Variants in ZDHHC14 observed in about 807,000 individuals in gnomAD.
ZDHHC14 encodes zDHHC palmitoyltransferase 14.
Under a neutral mutation model 47.7 loss-of-function variants are expected in ZDHHC14, and 16 were observed. That is an observed-to-expected ratio of 0.34 (90% CI 0.23 to 0.51). The LOEUF is 0.51. ZDHHC14 is among the 20% of genes least tolerant of loss of function. The probability of loss-of-function intolerance (pLI) is 0.97; values close to 1 mark genes in which losing one functional copy is unlikely to be tolerated. For missense variants in ZDHHC14, 515 were observed against 662.5 expected (o/e 0.78, Z 2.44); for synonymous variants, 293 against 278.9 (o/e 1.05, Z -0.50).
At position 157,676,953 on chromosome 6, in the gene ZDHHC14, C is replaced by T. The variant is rs1451143104; in HGVS notation, c.*3831C>T. The T allele has an allele frequency of 6.6e-6, 1 of 152,184 alleles. No homozygotes were observed. Among genetic ancestry groups the T allele is most frequent in the Non-Finnish European group, 1.5e-5 (1 of 68,030 alleles). The allele number at this position is 152,184 out of a possible 1,614,324, so 9.4% of individuals were successfully genotyped here. On this transcript the variant is annotated 3_prime_UTR_variant, in exon 9 of 9. Coordinates refer to ENST00000359775, the MANE Select transcript of ZDHHC14 (RefSeq NM_024630.3). ...GAAGGAGCTGCCCTTCATCCATCCA[C>T]AAGAATACATTGAGTTCATTTAGTT...
At chr6:157,631,449 G>C (rs1042345691) in intron 4 of ZDHHC14, 2 of 152,002 alleles carry the variant, frequency 1.3e-5, no homozygotes, top group Non-Finnish European at 2.9e-5. Context: ...CCCACGACAC[G>C]ACCCCACCAC....
chr6:157,527,213 CG>C (rs531593673), intron 1 of ZDHHC14, among the ~76,000 whole-genome samples: 1 of 152,070 alleles, frequency 6.6e-6, no homozygotes, highest in Non-Finnish European at 1.5e-5. Flanking sequence ...TTACACCAGC[CG>C]GGGGGCCATG....
intron 3 of ZDHHC14, among the ~76,000 whole-genome samples, chr6:157,608,002 A>C (rs1204794786): frequency 6.6e-6 from 1 of 152,264 alleles, no homozygotes; most frequent in Non-Finnish European, 1.5e-5. Flanking sequence ...ATATGATAAA[A>C]GTAACCAGTG....
At chr6:157,482,803 C>T (rs919751894) in intron 1 of ZDHHC14, among the ~76,000 whole-genome samples, 1 of 150,738 alleles carries the variant, frequency 6.6e-6, no homozygotes, top group African/African-American at 2.4e-5. Flanking sequence ...AGTACAATGG[C>T]ATGAACTCAG....
chr6:157,576,833 G>A (rs1446126031), intron 2 of ZDHHC14, among the ~76,000 whole-genome samples: 2 of 152,216 alleles, frequency 1.3e-5, no homozygotes, highest in African/African-American at 4.8e-5. Context: ...ACCAGGCTAT[G>A]CCACTGTTCC....
chr6:157,497,305 T>C (rs769450858), intron 1 of ZDHHC14, among the ~76,000 whole-genome samples: 21 of 152,178 alleles, frequency 1.4e-4, no homozygotes, highest in Non-Finnish European at 2.4e-4. Flanking sequence ...AGGGGCTTTC[T>C]GGAAATTCCA....
chr6:157,620,080 G>C (rs913610314), intron 3 of ZDHHC14, among the ~76,000 whole-genome samples: 3 of 152,200 alleles, frequency 2.0e-5, no homozygotes, highest in Non-Finnish European at 4.4e-5. Flanking sequence ...AGAACCCTCT[G>C]TCTTAGTCCA....
chr6:157,402,357 T>G (rs552295296), intron 1 of ZDHHC14, among the ~76,000 whole-genome samples: 1 of 151,788 alleles, frequency 6.6e-6, no homozygotes, highest in Non-Finnish European at 1.5e-5. Flanking sequence ...CCTGCTGAGG[T>G]CTCAGCTGCA....
intron 1 of ZDHHC14, among the ~76,000 whole-genome samples, chr6:157,451,700 A>C (rs1218826953): frequency 6.6e-6 from 1 of 152,112 alleles, no homozygotes; most frequent in Non-Finnish European, 1.5e-5. Context: ...AGCTGGGATT[A>C]CAGGTGCCCA....
intron 7 of ZDHHC14, among the ~76,000 whole-genome samples, chr6:157,649,150 G>T (rs924232213): frequency 2.0e-4 from 31 of 152,192 alleles, no homozygotes; most frequent in African/African-American, 7.5e-4. Context: ...ACCCTGAGAA[G>T]TGTTTGAATC....
chr6:157,519,744 GT>G (rs1483400596), intron 1 of ZDHHC14, among the ~76,000 whole-genome samples: 3 of 152,080 alleles, frequency 2.0e-5, no homozygotes, highest in African/African-American at 4.8e-5. Context: ...AGGATTCATC[GT>G]TTTTTTGTTG....
rs532020621 is a variant in ZDHHC14 at position 157,504,404 on chromosome 6, T to C, written c.246-38181T>C. On this transcript the variant is annotated intron_variant, in intron 1 of 8. Coordinates refer to ENST00000359775, the MANE Select transcript of ZDHHC14 (RefSeq NM_024630.3). ...ACCTCGTGATCTGCCTGCCTCGGCT[T>C]CCCAAAGTGCTGGGATTACAGGCGT... 2.0e-5 allele frequency among the ~76,000 whole-genome samples: 3 copies of C among 151,686 alleles called. No individual in the cohort carries two copies. In the East Asian group the frequency reaches 5.8e-4, roughly 29 times the overall value.
intron 1 of ZDHHC14, among the ~76,000 whole-genome samples, chr6:157,519,491 G>A (rs1780836324): frequency 6.6e-6 from 1 of 151,950 alleles, no homozygotes; most frequent in African/African-American, 2.4e-5. Flanking sequence ...CATGGGAGAA[G>A]TAAGGGCCTA....
At chr6:157,495,947 C>T (rs780418552) in intron 1 of ZDHHC14, among the ~76,000 whole-genome samples, 34 of 152,100 alleles carry the variant, frequency 2.2e-4, no homozygotes, top group African/African-American at 6.7e-4. Flanking sequence ...TCAAGTGATC[C>T]GGCTGCCTCG....
rs181275967 is a variant in ZDHHC14, at chr6:157,575,262, C to T, written c.407-17726C>T. Reference sequence around the variant, plus strand: ...GTAATCTGCTTTACATCAAAGTCTGCTGATTTAAATGTTAATCTCATCTAA... The same window carrying T: ...GTAATCTGCTTTACATCAAAGTCTGTTGATTTAAATGTTAATCTCATCTAA... On this transcript the variant is annotated intron_variant, in intron 2 of 8. Transcript: ENST00000359775. Among the ~76,000 whole-genome samples, 9 of 152,342 alleles carry T rather than the reference C, an allele frequency of 5.9e-5. No homozygotes were observed. The East Asian group carries it at 1.7e-3, about 29-fold the overall frequency.
chr6:157,527,744 C>T (rs1366142079), intron 1 of ZDHHC14, among the ~76,000 whole-genome samples: 1 of 152,188 alleles, frequency 6.6e-6, no homozygotes, highest in Non-Finnish European at 1.5e-5. Context: ...AGCCATGTAA[C>T]GGTCTCTCAG....
At chr6:157,394,504 C>T (rs772399226) in intron 1 of ZDHHC14, among the ~76,000 whole-genome samples, 5 of 152,174 alleles carry the variant, frequency 3.3e-5, no homozygotes, top group Non-Finnish European at 5.9e-5. Flanking sequence ...CTGGACACCC[C>T]ATAATACAGA....
chr6:157,484,100 C>T (rs1779697714), intron 1 of ZDHHC14, among the ~76,000 whole-genome samples: 1 of 151,310 alleles, frequency 6.6e-6, no homozygotes, highest in Non-Finnish European at 1.5e-5. Context: ...AATGAGAACA[C>T]ACAGACACAA....
chr6:157,598,896 AC>A (rs1562499799), intron 3 of ZDHHC14, among the ~76,000 whole-genome samples: 1 of 152,236 alleles, frequency 6.6e-6, no homozygotes, highest in African/African-American at 2.4e-5. Flanking sequence ...CAGATATCAC[AC>A]TGAAAATGTC....
Sources: allele counts gnomAD v4.1 joint callset (sites outside exome capture counted in the v4.1 genomes callset), GRCh38; gene constraint gnomAD v4.1.1; transcripts MANE v1.5; gene names NCBI Gene and HGNC (gene_info 2026-07-23, HGNC 2026-07-21).